The following ZDHHC7 variants were observed in gnomAD, a reference collection of about 807,000 sequenced individuals.
The protein encoded by ZDHHC7 is zDHHC palmitoyltransferase 7, also known as palmitoyltransferase ZDHHC7.
A neutral mutation model predicts 34.1 loss-of-function variants in ZDHHC7; 12 were observed. The observed-to-expected ratio is 0.35, with a 90% CI of 0.23 to 0.57. The LOEUF is 0.57. Ranked by LOEUF, ZDHHC7 falls within the 20% of genes least tolerant of loss-of-function variation. The pLI is 0.84. For missense variants in ZDHHC7, 388 were observed against 402.7 expected, an observed-to-expected ratio of 0.96 and a Z score of 0.31; for synonymous variants, 185 against 155.4, an observed-to-expected ratio of 1.19 and a Z score of -1.42.
chr16:84,989,650 G>A (rs538061152), intron 3 of ZDHHC7, among the ~76,000 whole-genome samples: 10 of 133,222 alleles, frequency 7.5e-5, no homozygotes, highest in Admixed American at 1.8e-4. Flanking sequence ...AGCCAAGATC[G>A]CACATTGCAC....
chr16:85,018,132 T>C, the ZDHHC7 span, among the ~76,000 whole-genome samples: 1 of 152,164 alleles, frequency 6.6e-6, no homozygotes, highest in Non-Finnish European at 1.5e-5. Context: ...ATCCTGGGTT[T>C]CAGGGTCTTA....
At chr16:85,004,513 A>T (rs2072693038) in intron 1 of ZDHHC7, among the ~76,000 whole-genome samples, 1 of 151,938 alleles carries the variant, frequency 6.6e-6, no homozygotes, top group Non-Finnish European at 1.5e-5. Context: ...CTGCCTTTTC[A>T]GTGCGAATAA....
chr16:84,988,669 G>C, intron 3 of ZDHHC7: 1 of 1,073,842 alleles, frequency 9.3e-7, no homozygotes, highest in Non-Finnish European at 1.4e-6. Flanking sequence ...GCGCAGAGGA[G>C]GAAGGGGCAA....
chr16:84,991,262 C>T (rs753849742), intron 2 of ZDHHC7, among the ~76,000 whole-genome samples: 1 of 152,146 alleles, frequency 6.6e-6, no homozygotes, highest in Admixed American at 6.6e-5. Context: ...ACACTCTACC[C>T]TGCTTCTAGA....
chr16:84,994,226 G>A (rs1213699120), intron 2 of ZDHHC7, among the ~76,000 whole-genome samples: 3 of 152,202 alleles, frequency 2.0e-5, no homozygotes. Context: ...CACAGCAAGG[G>A]CATGTTTGCT....
chr16:84,977,045 C>T (rs1158843091), intron 7 of ZDHHC7, 50 bp downstream of exon 7: 1 of 1,605,730 alleles, frequency 6.2e-7, no homozygotes, highest in Admixed American at 1.7e-5. Flanking sequence ...TTTTCATTTA[C>T]TCAAGCTTGG....
chr16:84,980,714 CA>C (rs2072356732), intron 4 of ZDHHC7, among the ~76,000 whole-genome samples: 1 of 152,134 alleles, frequency 6.6e-6, no homozygotes, highest in African/African-American at 2.4e-5. Flanking sequence ...CACCCATTTG[CA>C]ATGTACAATT....
At chr16:85,004,494 A>G (rs9933798) in intron 1 of ZDHHC7, among the ~76,000 whole-genome samples, 47,040 of 151,142 alleles carry the variant, frequency 0.31, 8,263 homozygotes, top group African/African-American at 0.48. Flanking sequence ...CCCTAAGCTC[A>G]TGCAATCACT....
intron 3 of ZDHHC7, among the ~76,000 whole-genome samples, chr16:84,988,377 C>T (rs7193192): frequency 0.084 from 12,818 of 152,182 alleles, 591 homozygotes; most frequent in Middle Eastern, 0.11. Context: ...CACGGGACTA[C>T]ACACGAGGAT....
chr16:85,013,435 GT>G (rs1428239352), upstream of ZDHHC7, among the ~76,000 whole-genome samples: 1 of 151,980 alleles, frequency 6.6e-6, no homozygotes, highest in Non-Finnish European at 1.5e-5. Flanking sequence ...TAAAGATAGG[GT>G]TTTGCCATGT....
intron 3 of ZDHHC7, among the ~76,000 whole-genome samples, chr16:84,985,643 A>G (rs191323952): frequency 6.6e-6 from 1 of 152,176 alleles, no homozygotes; most frequent in Non-Finnish European, 1.5e-5. Context: ...TCCTGATTCA[A>G]GGGAAAAAAA....
intron 2 of ZDHHC7, among the ~76,000 whole-genome samples, chr16:84,994,259 C>G (rs2072547871): frequency 6.6e-6 from 1 of 152,232 alleles, no homozygotes; most frequent in Admixed American, 6.5e-5. Flanking sequence ...CAACAAAAAG[C>G]AAGCAGTCCC....
chr16:84,986,335 C>T (rs1395157127), intron 3 of ZDHHC7, among the ~76,000 whole-genome samples: 14 of 152,214 alleles, frequency 9.2e-5, no homozygotes, highest in Admixed American at 8.5e-4. Flanking sequence ...AGCGAGGCCT[C>T]GTGTTCTCAC....
In ZDHHC7 at chr16:84,975,509, G is replaced by C. The variant is rs542946831; in HGVS notation, c.*834C>G. On this transcript the variant is annotated 3_prime_UTR_variant, in exon 8 of 8. Transcript: ENST00000313732. ...CTCAAGATTTCTTTAAAAAATGAAA[G>C]CAGGAGGGCAACGAAGGGCCGCACA... The C allele has an allele frequency of 3.3e-5, 5 of 152,606 alleles. No individual in the cohort carries two copies. Among genetic ancestry groups the C allele is most frequent in the African/African-American group, 1.2e-4 (5 of 41,518 alleles). The allele number at this position is 152,606 out of a possible 1,614,324, so 9.5% of individuals were successfully genotyped here.
chr16:84,990,232 A>C, intron 3 of ZDHHC7, 72 bp downstream of exon 3: 1 of 1,539,594 alleles, frequency 6.5e-7, no homozygotes, highest in Non-Finnish European at 8.8e-7. Context: ...TGCTTCCTCC[A>C]AAGGGTCAGC....
intron 3 of ZDHHC7, among the ~76,000 whole-genome samples, chr16:84,982,530 C>G (rs1009761478): frequency 2.0e-5 from 3 of 152,188 alleles, no homozygotes; most frequent in African/African-American, 7.2e-5. Flanking sequence ...CCTGTAGCCC[C>G]TGCTGACAGG....
chr16:84,985,012 A>G (rs908380950), intron 3 of ZDHHC7, among the ~76,000 whole-genome samples: 1 of 152,216 alleles, frequency 6.6e-6, no homozygotes, highest in South Asian at 2.1e-4. Flanking sequence ...GTAATTGAGC[A>G]CATTCCTCAG....
the ZDHHC7 span, among the ~76,000 whole-genome samples, chr16:85,020,147 G>T: frequency 6.6e-6 from 1 of 152,338 alleles, no homozygotes; most frequent in African/African-American, 2.4e-5. Flanking sequence ...CTCCTCGAGG[G>T]CTTGCCTTAG....
At chr16:85,009,012 T>G (rs1433293671) in intron 1 of ZDHHC7, among the ~76,000 whole-genome samples, 1 of 149,116 alleles carries the variant, frequency 6.7e-6, no homozygotes, top group Non-Finnish European at 1.5e-5. Context: ...GCCACTGCAC[T>G]CCAGCCTGGG....
Sources: gnomAD v4.1 joint callset for allele counts (sites outside exome capture counted in the v4.1 genomes callset) on GRCh38, gnomAD v4.1.1 for gene constraint, MANE v1.5 for transcripts, NCBI Gene and HGNC (gene_info 2026-07-23, HGNC 2026-07-21) for gene names.